Variants in DLC1 observed in about 807,000 individuals in gnomAD.
DLC1 encodes the protein rho GTPase-activating protein 7.
Under a neutral mutation model 140.3 loss-of-function variants are expected in DLC1, and 54 were observed. That is an observed-to-expected ratio of 0.38 (90% CI 0.31 to 0.48). The LOEUF is 0.48. Among genes scored for constraint, DLC1 ranks in the 20% least tolerant of loss-of-function variants. The pLI is 0.96. For synonymous variants in DLC1, 986 were observed against 728.1 expected (o/e 1.35, Z -5.70); for missense variants, 2,536 against 1,907.0 (o/e 1.33, Z -6.14).
At chr8:13,305,996 T>A (rs1031232856) in intron 4 of DLC1, among the ~76,000 whole-genome samples, 5 of 152,192 alleles carry the variant, frequency 3.3e-5, no homozygotes, top group Non-Finnish European at 7.4e-5. Flanking sequence ...TGCTTATTTT[T>A]TCTGTGCACA....
intron 1 of DLC1, chr8:13,567,298 C>T: frequency 1.9e-6 from 3 of 1,551,730 alleles, no homozygotes; most frequent in Non-Finnish European, 2.6e-6. Context: ...ACGGCACCAA[C>T]CAGACACCAA....
At chr8:13,129,910 G>C (rs1821932436) in intron 5 of DLC1, among the ~76,000 whole-genome samples, 1 of 152,174 alleles carries the variant, frequency 6.6e-6, no homozygotes. Flanking sequence ...GAGTCTTTCA[G>C]GGTCTTTTAT....
chr8:13,567,095 C>G (rs1409043275), intron 1 of DLC1: 2 of 1,551,752 alleles, frequency 1.3e-6, no homozygotes, highest in Non-Finnish European at 1.7e-6. Flanking sequence ...GTACAGACTT[C>G]CAGCTCATTC....
intron 5 of DLC1, among the ~76,000 whole-genome samples, chr8:13,157,073 A>G (rs1215314242): frequency 1.3e-5 from 2 of 152,174 alleles, no homozygotes; most frequent in African/African-American, 4.8e-5. Context: ...ACTTTTTGGA[A>G]CTTTGTCATG....
intron 5 of DLC1, among the ~76,000 whole-genome samples, chr8:13,270,310 A>G (rs887511267): frequency 1.3e-5 from 2 of 152,184 alleles, no homozygotes; most frequent in African/African-American, 4.8e-5. Flanking sequence ...GTGCATGCAC[A>G]CTACTTTAAA....
rs140759185 is a variant in DLC1, at chr8:13,499,725, T to C, written c.347A>G (p.Asn116Ser). 432 of 1,614,180 alleles carry C rather than the reference T, an allele frequency of 2.7e-4. No homozygotes were observed. The highest frequency in any genetic ancestry group is 1.6e-4 in the Non-Finnish European group (184 of 1,180,022). ...TLVHVSDEDN[N>S]ADLCLTDDKQ... is the part of the protein sequence containing the mutation. ...ATCATCTGTAAGGCATAAATCAGCA[T>C]TGTTATCCTCATCAGAAACATGCAC... Residue 116 changes from asparagine (N) to serine (S), a missense_variant, in exon 2 of 18, where the codon AAT becomes AGT. By Grantham distance (46) the Asn-to-Ser change is conservative. Coordinates refer to ENST00000276297, the MANE Select transcript of DLC1 (RefSeq NM_182643.3).
chr8:13,489,563 G>A (rs1449068428), intron 2 of DLC1, among the ~76,000 whole-genome samples: 1 of 129,152 alleles, frequency 7.7e-6, no homozygotes, highest in Non-Finnish European at 1.7e-5. Context: ...ACAATAGATG[G>A]AGAATCCTGT....
chr8:13,129,243 C>A (rs1362492180), intron 5 of DLC1, among the ~76,000 whole-genome samples: 1 of 152,202 alleles, frequency 6.6e-6, no homozygotes, highest in African/African-American at 2.4e-5. Context: ...ACAGCCTTCA[C>A]CTCCCTCTGC....
chr8:13,317,959 G>A (rs1467224158), intron 4 of DLC1, among the ~76,000 whole-genome samples: 1 of 152,130 alleles, frequency 6.6e-6, no homozygotes, highest in Non-Finnish European at 1.5e-5. Flanking sequence ...CTCTGTACTT[G>A]TTCTATGCCA....
At chr8:13,098,648 C>T in intron 9 of DLC1, 73 bp from the exon 10 acceptor site, 1 of 1,463,210 alleles carries the variant, frequency 6.8e-7, no homozygotes, top group Non-Finnish European at 9.1e-7. Context: ...TTTTTTCTTG[C>T]TCTGTTGCCC....
At chr8:13,466,340 G>C (rs1460495702) in intron 2 of DLC1, among the ~76,000 whole-genome samples, 2 of 152,164 alleles carry the variant, frequency 1.3e-5, no homozygotes, top group Non-Finnish European at 2.9e-5. Context: ...TGATCTGTGA[G>C]TAATAAAACA....
rs755516316 is a variant in DLC1 at position 13,100,106 on chromosome 8, C to A, written c.2231G>T (p.Ser744Ile). Residue 744 changes from serine (S) to isoleucine (I), a missense_variant, in exon 9 of 18, where the codon AGC becomes ATC. By Grantham distance (142) the Ser-to-Ile change is moderately radical. Transcript: ENST00000276297. ...VSNSTQTSSSSSQSETSSAVS... is the reference protein window; with the variant it reads ...VSNSTQTSSSISQSETSSAVS... ...CGCGCTGCTGGTCTCCGACTGGCTG[C>A]TGCTGCTGCTGGTCTGCGTGGAGTT... is the stretch of plus-strand genomic sequence containing the variant. The A allele has an allele frequency of 3.7e-6, 6 of 1,613,804 alleles. No homozygotes were observed. The highest frequency in any genetic ancestry group is 5.1e-6 in the Non-Finnish European group (6 of 1,179,972).
intron 1 of DLC1, among the ~76,000 whole-genome samples, chr8:13,592,691 T>C (rs1481138358): frequency 6.6e-6 from 1 of 152,120 alleles, no homozygotes; most frequent in East Asian, 1.9e-4. Flanking sequence ...TTTGGTATTA[T>C]GAGTCCTGCC....
At chr8:13,140,482 C>T (rs965083049) in intron 5 of DLC1, among the ~76,000 whole-genome samples, 4 of 151,628 alleles carry the variant, frequency 2.6e-5, no homozygotes, top group African/African-American at 9.7e-5. Flanking sequence ...ATTCGCCTGC[C>T]TCTGCCTTCC....
intron 5 of DLC1, among the ~76,000 whole-genome samples, chr8:13,189,518 G>A (rs149750259): frequency 3.7e-4 from 56 of 152,054 alleles, no homozygotes; most frequent in Admixed American, 1.1e-3. Context: ...GGCCCTAACC[G>A]CTAAATGCAA....
At chr8:13,088,192 G>A (rs1056079760) in intron 16 of DLC1, among the ~76,000 whole-genome samples, 2 of 151,570 alleles carry the variant, frequency 1.3e-5, no homozygotes, top group Non-Finnish European at 2.9e-5. Flanking sequence ...GGATCCTCCT[G>A]CCTCGGCCTC....
chr8:13,595,163 A>T (rs1480758786), intron 1 of DLC1, among the ~76,000 whole-genome samples: 1 of 152,092 alleles, frequency 6.6e-6, no homozygotes. Context: ...AAGATTACTA[A>T]AAATAATGGC....
At chr8:13,149,913 G>A (rs1306565356) in intron 5 of DLC1, among the ~76,000 whole-genome samples, 1 of 152,198 alleles carries the variant, frequency 6.6e-6, no homozygotes, top group Admixed American at 6.5e-5. Context: ...ATCCAAAACT[G>A]AGACTTCATT....
At chr8:13,140,475 C>T (rs10102084) in intron 5 of DLC1, among the ~76,000 whole-genome samples, 24,895 of 151,658 alleles carry the variant, frequency 0.16, 2,233 homozygotes, top group Non-Finnish European at 0.21. Context: ...TCAAGCGATT[C>T]GCCTGCCTCT....
Sources: allele counts gnomAD v4.1 joint callset (sites outside exome capture counted in the v4.1 genomes callset), GRCh38; gene constraint gnomAD v4.1.1; transcripts MANE v1.5; gene names NCBI Gene and HGNC (gene_info 2026-07-23, HGNC 2026-07-21).